The following PAWR variants were observed in gnomAD, a reference collection of about 807,000 sequenced individuals.
PAWR encodes PRKC apoptosis WT1 regulator protein.
A neutral mutation model predicts 32.0 loss-of-function variants in PAWR; 23 were observed. The ratio of observed to expected loss-of-function variants is 0.72; its 90% CI spans 0.52 to 1.02. The LOEUF (loss-of-function observed/expected upper bound fraction) is 1.02. Among genes scored for constraint, PAWR ranks in the 50% least tolerant of loss-of-function variants. PAWR has a pLI of 0.00. For missense variants in PAWR, 457 were observed against 437.7 expected (o/e 1.04, Z -0.39); for synonymous variants, 226 against 187.1 (o/e 1.21, Z -1.70).
intron 2 of PAWR, among the ~76,000 whole-genome samples, chr12:79,675,296 T>C (rs1199941488): frequency 1.3e-5 from 2 of 152,108 alleles, no homozygotes; most frequent in African/African-American, 2.4e-5. Flanking sequence ...GGAGGATCAC[T>C]TGAGCCTGGA....
intron 4 of PAWR, among the ~76,000 whole-genome samples, chr12:79,611,253 T>C (rs973998282): frequency 1.4e-5 from 2 of 146,598 alleles, no homozygotes; most frequent in South Asian, 2.1e-4. Context: ...GTATATATTA[T>C]ATATATTTAT....
rs944485266 is a variant in PAWR, at chr12:79,690,084, G to A, written c.161C>T (p.Pro54Leu). 1.6e-5 allele frequency: 23 copies of A among 1,434,962 alleles called. No homozygotes were observed. In the African/African-American group the frequency reaches 1.8e-4, roughly 11 times the overall value. The allele number at this position is 1,434,962 out of a possible 1,614,324, so 88.9% of individuals were successfully genotyped here. Residue 54 changes from proline (P) to leucine (L), a missense_variant, in exon 2 of 7, where the codon CCC becomes CTC. Transcript: ENST00000328827. Reference sequence around the variant, plus strand: ...CGCCGGGGTGCCCAGAGCCCCCGCGGGGGGCTTCCCAGCGGCGTCGCTGCT... The same window carrying A: ...CGCCGGGGTGCCCAGAGCCCCCGCGAGGGGCTTCCCAGCGGCGTCGCTGCT... The part of the protein sequence containing the change: ...GGSSDAAGKP[P>L]AGALGTPAAA...
chr12:79,637,099 T>C (rs1875997540), intron 2 of PAWR, among the ~76,000 whole-genome samples: 1 of 152,220 alleles, frequency 6.6e-6, no homozygotes, highest in Non-Finnish European at 1.5e-5. Context: ...GTTCAAAAAC[T>C]GTGACTGCCC....
intron 2 of PAWR, among the ~76,000 whole-genome samples, chr12:79,681,048 G>A (rs1233296643): frequency 6.7e-6 from 1 of 149,010 alleles, no homozygotes; most frequent in Admixed American, 6.8e-5. Flanking sequence ...TCAGGAGGTT[G>A]AGTCTGCAGT....
intron 2 of PAWR, among the ~76,000 whole-genome samples, chr12:79,625,534 CAG>C (rs1030226897): frequency 2.6e-5 from 4 of 152,066 alleles, no homozygotes; most frequent in African/African-American, 9.7e-5. Flanking sequence ...TAAAAAGTAA[CAG>C]AGGGGCCGGG....
Position 79,604,769 on chromosome 12 carries a change from T to G in PAWR, c.684-8111A>C, listed in dbSNP as rs1189242304. 5 of 1,025,408 alleles carry G rather than the reference T, an allele frequency of 4.9e-6. No individual in the cohort carries two copies. The African/African-American group carries it at 8.3e-5, about 17-fold the overall frequency. 63.5% of individuals were successfully genotyped at this position (1,025,408 alleles called of 1,614,324 possible). A position where few individuals can be genotyped will look rare whatever the true frequency, so the allele number is the denominator to read the frequency against. On this transcript the variant is annotated intron_variant, in intron 4 of 6. Transcript: ENST00000328827. Reference sequence around the variant, plus strand: ...AAGCACATACACCAACAACTAAAAATCAAAATCAACTCCCATTATATTAAA... The same window carrying G: ...AAGCACATACACCAACAACTAAAAAGCAAAATCAACTCCCATTATATTAAA...
chr12:79,614,867 A>G (rs1327153586), intron 3 of PAWR, among the ~76,000 whole-genome samples: 3 of 152,234 alleles, frequency 2.0e-5, no homozygotes, highest in Non-Finnish European at 4.4e-5. Flanking sequence ...GGATCGGATC[A>G]AGTTTCCAAC....
chr12:79,662,913 A>G (rs566869835), intron 2 of PAWR, among the ~76,000 whole-genome samples: 2 of 152,346 alleles, frequency 1.3e-5, no homozygotes, highest in South Asian at 4.1e-4. Context: ...ACATGTTGTC[A>G]TTAAAAACAA....
intron 4 of PAWR, among the ~76,000 whole-genome samples, chr12:79,607,875 C>A (rs974685789): frequency 4.6e-5 from 7 of 151,816 alleles, no homozygotes; most frequent in Non-Finnish European, 1.0e-4. Flanking sequence ...CATGGTGAAA[C>A]CCCGTCTCTA....
intron 2 of PAWR, among the ~76,000 whole-genome samples, chr12:79,675,441 T>G (rs1878116506): frequency 6.6e-6 from 1 of 152,110 alleles, no homozygotes; most frequent in Non-Finnish European, 1.5e-5. Context: ...ATGCATATAT[T>G]CATCGCAGCA....
chr12:79,621,198 C>T lies in PAWR; in HGVS notation c.526G>A (p.Glu176Lys). The T allele has an allele frequency of 6.3e-6, 10 of 1,598,340 alleles. No individual in the cohort carries two copies. The highest frequency in any genetic ancestry group is 1.3e-5 in the African/African-American group (1 of 74,128). The change falls in exon 3 of 7, where the codon GAG (glutamate) becomes AAG (lysine). Residue 176 changes from glutamate to lysine, a missense_variant. Coordinates refer to ENST00000328827, the MANE Select transcript of PAWR (RefSeq NM_002583.4). ...VNIPAAECLD[E>K]YEDDEAGQKE... is the part of the protein sequence containing the mutation. ...TGCCCTGCTTCATCATCTTCGTACT[C>T]ATCTAAGCACTGAAAGAAAAAAAGA... is the stretch of plus-strand genomic sequence containing the variant.
intron 3 of PAWR, among the ~76,000 whole-genome samples, chr12:79,617,679 A>ATG (rs1874805623): frequency 6.6e-6 from 1 of 152,208 alleles, no homozygotes; most frequent in Non-Finnish European, 1.5e-5. Context: ...ATTTCAATAC[A>ATG]TGTATATATT....
rs755746831 is a variant in PAWR at position 79,690,138 on chromosome 12, G to C, written c.107C>G (p.Pro36Arg). The C allele has an allele frequency of 3.3e-6, 5 of 1,518,678 alleles. No homozygotes were observed. The highest frequency in any genetic ancestry group is 1.2e-5 in the South Asian group (1 of 83,364). The allele number at this position is 1,518,678 out of a possible 1,614,324, so 94.1% of individuals were successfully genotyped here. ...KREKMRAKQN[P>R]PGPAPPGGGS... is the part of the protein sequence containing the mutation. ...CCCTCCCGGGGGGGCCGGGCCCGGG[G>C]GGTTCTGCTTGGCGCGCATCTTCTC... Residue 36 changes from proline to arginine, a missense_variant, in exon 2 of 7, where the codon CCC (proline) becomes CGC (arginine). Transcript: ENST00000328827.
intron 2 of PAWR, among the ~76,000 whole-genome samples, chr12:79,658,744 A>T (rs1455547813): frequency 6.6e-6 from 1 of 151,802 alleles, no homozygotes; most frequent in Non-Finnish European, 1.5e-5. Context: ...GCTCACTGCA[A>T]CCTCCACCTC....
chr12:79,631,667 G>A (rs1470346685), intron 2 of PAWR, among the ~76,000 whole-genome samples: 1 of 151,996 alleles, frequency 6.6e-6, no homozygotes, highest in African/African-American at 2.4e-5. Context: ...CTATGTTAGG[G>A]GATCTGAAGA....
At chr12:79,689,111 T>C (rs1878833706) in intron 2 of PAWR, among the ~76,000 whole-genome samples, 1 of 152,202 alleles carries the variant, frequency 6.6e-6, no homozygotes, top group South Asian at 2.1e-4. Context: ...TACTAAATCA[T>C]CCCTATTGTC....
chr12:79,656,770 T>C (rs955869248), intron 2 of PAWR, among the ~76,000 whole-genome samples: 2 of 152,044 alleles, frequency 1.3e-5, no homozygotes, highest in Non-Finnish European at 2.9e-5. Flanking sequence ...AGATGAAATA[T>C]ACAAAATAAT....
intron 2 of PAWR, among the ~76,000 whole-genome samples, chr12:79,673,573 G>C (rs555175882): frequency 3.9e-5 from 6 of 152,250 alleles, no homozygotes; most frequent in African/African-American, 1.4e-4. Context: ...CAGTGACTCC[G>C]TTACCAGCCA....
Position 79,585,002 on chromosome 12 carries a change from T to A in PAWR, c.*7605A>T, listed in dbSNP as rs930760628. ...AAAACTTAACACAGACAAACAATGA[T>A]TTTATTCCATAGTCTCTTGGACTTG... is the stretch of plus-strand genomic sequence containing the variant. On this transcript the variant is annotated 3_prime_UTR_variant, in exon 7 of 7. Transcript: ENST00000328827. 1.5e-5 allele frequency: 4 copies of A among 268,568 alleles called. No individual in the cohort carries two copies. In the East Asian group the frequency reaches 4.3e-4, roughly 29 times the overall value. 16.6% of individuals were successfully genotyped at this position (268,568 alleles called of 1,614,324 possible).
Sources: allele counts gnomAD v4.1 joint callset (sites outside exome capture counted in the v4.1 genomes callset), GRCh38; gene constraint gnomAD v4.1.1; transcripts MANE v1.5; gene names NCBI Gene and HGNC (gene_info 2026-07-23, HGNC 2026-07-21).